The following ADAMTS13 variants were observed in gnomAD, a reference collection of about 807,000 sequenced individuals.
ADAMTS13 encodes ADAM metallopeptidase with thrombospondin type 1 motif 13, also known as A disintegrin and metalloproteinase with thrombospondin motifs 13.
ADAMTS13 carries 110 observed loss-of-function variants against 155.1 expected under a neutral mutation model. That is an observed-to-expected ratio of 0.71 (90% CI 0.61 to 0.83). The LOEUF (loss-of-function observed/expected upper bound fraction) is 0.83, where lower values mean the gene tolerates loss of function less well. ADAMTS13 is among the 40% of genes least tolerant of loss of function. The pLI is 0.00. For synonymous variants in ADAMTS13, 758 were observed against 756.4 expected, an observed-to-expected ratio of 1.00 and a Z score of -0.03; for missense variants, 1,707 against 1,891.7, an observed-to-expected ratio of 0.90 and a Z score of 1.81.
chr9:133,422,480 C>T lies in ADAMTS13; in HGVS notation c.37C>T (p.Leu13Phe). 6.2e-7 allele frequency: 1 copy of T among 1,614,132 alleles called. No individual in the cohort carries two copies. Among genetic ancestry groups the T allele is most frequent in the Non-Finnish European group, 8.5e-7 (1 of 1,180,034 alleles). Residue 13 changes from leucine to phenylalanine, a missense_variant, in exon 1 of 29, where the codon CTC becomes TTC. Physicochemically the swap from Leu to Phe is conservative, Grantham distance 22. Around this residue, in one of 3 missense-constraint regions of ADAMTS13, gnomAD observed 733 missense variants for 749.6 expected, o/e 0.98. Transcript: ENST00000355699. ...QRHPRARCPP[L>F]CVAGILACGF... ...TCACCCCCGGGCAAGATGCCCTCCC[C>T]TCTGTGTGGCCGGAATCCTTGCCTG...
chr9:133,439,187 G>A (rs1284298404), intron 14 of ADAMTS13, among the ~76,000 whole-genome samples, 179 bp from the exon 15 acceptor site: 1 of 152,220 alleles, frequency 6.6e-6, no homozygotes, highest in African/African-American at 2.4e-5. Context: ...CCAGGGCAGA[G>A]CCTTGGCAGG....
At chr9:133,455,135 C>T in intron 24 of ADAMTS13, 150 bp from the exon 25 acceptor site, 3 of 885,112 alleles carry the variant, frequency 3.4e-6, no homozygotes, top group Non-Finnish European at 5.4e-6. Context: ...CCTCTCTGAG[C>T]CTCAGTTTTC....
chr9:133,422,348 T>C (rs1840006837), upstream of ADAMTS13: 1 of 1,186,760 alleles, frequency 8.4e-7, no homozygotes, highest in African/African-American at 1.5e-5. Context: ...TCCCGCCCAG[T>C]AGTGAGCAGG....
At position 133,425,453 on chromosome 9, in the gene ADAMTS13, C is replaced by A; in HGVS notation, c.331-76C>A. On this transcript the variant is annotated intron_variant, in intron 3 of 28. Transcript: ENST00000355699. This position sits in a 1 kb window ranked among gnomAD's most constrained non-coding sequence, Gnocchi z 4.6. ...TCTCCAGCTCTTCACACTCCGGGGG[C>A]CCCTGGGAGTCAGCAGCTGCCTGGG... 1.5e-6 allele frequency: 2 copies of A among 1,375,732 alleles called. No homozygotes were observed. The highest frequency in any genetic ancestry group is 2.0e-6 in the Non-Finnish European group (2 of 990,180). 85.2% of individuals were successfully genotyped at this position (1,375,732 alleles called of 1,614,324 possible).
chr9:133,414,544 C>A (rs1554781040), exon 1 of ADAMTS13: 1 of 887,950 alleles, frequency 1.1e-6, no homozygotes, highest in Admixed American at 1.8e-5. Context: ...AACAAAGGAA[C>A]AGACGACATC....
Position 133,442,386 on chromosome 9 carries a change from T to C in ADAMTS13, c.1969-13T>C. 6.2e-7 allele frequency: 1 copy of C among 1,613,892 alleles called. No homozygotes were observed. Among genetic ancestry groups the C allele is most frequent in the South Asian group, 1.1e-5 (1 of 91,088 alleles). On this transcript the variant is annotated splice_polypyrimidine_tract_variant and intron_variant, in intron 16 of 28. Coordinates refer to ENST00000355699, the MANE Select transcript of ADAMTS13 (RefSeq NM_139027.6). ...GAACCCACTGGACAAGGCCTGAAGC[T>C]CTTTGTCTGCAGGTTTACAGGCGGT... is the stretch of plus-strand genomic sequence containing the variant.
chr9:133,443,443 C>T lies in ADAMTS13; in HGVS notation c.2302C>T (p.Arg768Cys), dbSNP rs782206311. 1.9e-5 allele frequency: 30 copies of T among 1,594,058 alleles called. No homozygotes were observed. Among genetic ancestry groups the T allele is most frequent in the African/African-American group, 4.0e-5 (3 of 74,846 alleles). Residue 768 changes from arginine to cysteine, a missense_variant, in exon 19 of 29, where the codon CGC becomes TGC. Around this residue, in one of 3 missense-constraint regions of ADAMTS13, gnomAD observed 961 missense variants for 1,107.9 expected, o/e 0.87. Coordinates refer to ENST00000355699, the MANE Select transcript of ADAMTS13 (RefSeq NM_139027.6). ...GGGTGGCCTGCGGGAGCGGCCAGTGCGCTGCGTGGAGGCCCAGGGCAGCCT... is the reference window on the plus strand; with the variant it reads ...GGGTGGCCTGCGGGAGCGGCCAGTGTGCTGCGTGGAGGCCCAGGGCAGCCT... Reference protein sequence around the residue: ...CGGGLRERPVRCVEAQGSLLK... With the variant: ...CGGGLRERPVCCVEAQGSLLK...
chr9:133,438,436 T>G, intron 14 of ADAMTS13, 70 bp downstream of exon 14: 1 of 1,599,552 alleles, frequency 6.3e-7, no homozygotes, highest in Non-Finnish European at 8.5e-7. Context: ...CCCAGAGCGT[T>G]GGTGCAGGGG....
At position 133,444,985 on chromosome 9, in the gene ADAMTS13, C is replaced by T. The variant is rs1199166665; in HGVS notation, c.2543C>T (p.Ser848Phe). ...LEAPVTEGPG[S>F]VDEKLPAPEP... is the part of the protein sequence containing the mutation. ...GCTCCAGTGACTGAGGGGCCTGGCT[C>T]CGTAGATGAGAAGCTGCCTGCCCCT... is the stretch of plus-strand genomic sequence containing the variant. Residue 848 changes from serine (S) to phenylalanine (F), a missense_variant, in exon 20 of 29, where the codon TCC (serine) becomes TTC (phenylalanine). By Grantham distance (155) the Ser-to-Phe change is radical. Transcript: ENST00000355699. 3 of 1,613,458 alleles carry T rather than the reference C, an allele frequency of 1.9e-6. No individual in the cohort carries two copies. The highest frequency in any genetic ancestry group is 1.3e-5 in the African/African-American group (1 of 75,034).
chr9:133,432,929 G>T (rs1408052019), intron 9 of ADAMTS13, among the ~76,000 whole-genome samples: 1 of 151,936 alleles, frequency 6.6e-6, no homozygotes, highest in African/African-American at 2.4e-5. Context: ...TGGGTGTGGG[G>T]TTCCTTTGGG....
chr9:133,446,478 C>T (rs1842073456), intron 21 of ADAMTS13, among the ~76,000 whole-genome samples: 1 of 152,252 alleles, frequency 6.6e-6, no homozygotes. Context: ...GATGTCCTCA[C>T]AGTTCATCCA....
At position 133,440,413 on chromosome 9, in the gene ADAMTS13, C is replaced by T. The variant is rs781947512; in HGVS notation, c.1856C>T (p.Ser619Phe). 6.2e-7 allele frequency: 1 copy of T among 1,613,942 alleles called. No individual in the cohort carries two copies. The highest frequency in any genetic ancestry group is 8.5e-7 in the Non-Finnish European group (1 of 1,180,012). ...ATCTCCCCTAACACCACCTACCCCT[C>T]CCTCCTGGAGGATGGTCGTGTCGAG... ...MSISPNTTYP[S>F]LLEDGRVEYR... The change falls in exon 16 of 29, where the codon TCC (serine) becomes TTC (phenylalanine). Residue 619 changes from serine (S) to phenylalanine (F), a missense_variant. Physicochemically the swap from Ser to Phe is radical, Grantham distance 155. Transcript: ENST00000355699. The surrounding 1 kb of genome is among the most constrained non-coding windows in gnomAD (Gnocchi z 4.3).
At chr9:133,455,669 C>T (rs1842698436) in intron 25 of ADAMTS13, 7 of 1,565,482 alleles carry the variant, frequency 4.5e-6, no homozygotes, top group Non-Finnish European at 6.1e-6. Flanking sequence ...GCATCTTCCT[C>T]TGGGAAGGAC....
chr9:133,444,583 G>A (rs182081652), intron 19 of ADAMTS13, among the ~76,000 whole-genome samples: 6 of 152,324 alleles, frequency 3.9e-5, no homozygotes, highest in African/African-American at 1.2e-4. Flanking sequence ...CTGAGCTACC[G>A]TGCCTGGCCA....
rs1554784982 is a variant in ADAMTS13 at position 133,425,550 on chromosome 9, C to G, written c.352C>G (p.Pro118Ala). 1 of 1,613,560 alleles carries G rather than the reference C, an allele frequency of 6.2e-7. No individual in the cohort carries two copies. The highest frequency in any genetic ancestry group is 8.5e-7 in the Non-Finnish European group (1 of 1,179,972). ...LNIGAELLRD[P>A]SLGAQFRVHL... ...ACAGGGGGCAGAACTGCTTCGGGAC[C>G]CGTCCCTGGGGGCTCAGTTTCGGGT... Residue 118 changes from proline to alanine, a missense_variant, in exon 4 of 29, where the codon CCG (proline) becomes GCG (alanine). By Grantham distance (27) the Pro-to-Ala change is conservative. This residue lies in a region of ADAMTS13 where 733 missense variants were observed against 749.6 expected (regional missense o/e 0.98). Transcript: ENST00000355699. This position sits in a 1 kb window ranked among gnomAD's most constrained non-coding sequence, Gnocchi z 4.6.
At position 133,456,483 on chromosome 9, in the gene ADAMTS13, C is replaced by G; in HGVS notation, c.3548-60C>G. 1 of 1,588,378 alleles carries G rather than the reference C, an allele frequency of 6.3e-7. No individual in the cohort carries two copies. Among genetic ancestry groups the G allele is most frequent in the Non-Finnish European group, 8.6e-7 (1 of 1,165,966 alleles). ...GAACTCGGCTCAGTCTACCCTGGAG[C>G]CACTCCTCTGCTGACCAGGCGTGGG... On this transcript the variant is annotated intron_variant, in intron 26 of 28. Transcript: ENST00000355699. This position sits in a 1 kb window ranked among gnomAD's most constrained non-coding sequence, Gnocchi z 4.4.
At chr9:133,417,626 C>T (rs1839738832), upstream of ADAMTS13, 2 of 1,613,590 alleles carry the variant, frequency 1.2e-6, no homozygotes, top group Non-Finnish European at 1.7e-6. Context: ...TCACCTCTTG[C>T]AGCGCCTTCC....
chr9:133,447,210 T>C (rs1842125517), intron 21 of ADAMTS13, among the ~76,000 whole-genome samples: 1 of 152,196 alleles, frequency 6.6e-6, no homozygotes, highest in South Asian at 2.1e-4. Flanking sequence ...AGACACACCA[T>C]GTTCTTAAAC....
chr9:133,437,065 G>A (rs1841294425), intron 12 of ADAMTS13, 110 bp downstream of exon 12: 2 of 1,407,078 alleles, frequency 1.4e-6, no homozygotes, highest in Non-Finnish European at 1.9e-6. Flanking sequence ...TGGGCAAAGT[G>A]GTTCAGGCTC....
Sources: gnomAD v4.1 joint callset for allele counts (sites outside exome capture counted in the v4.1 genomes callset) on GRCh38, gnomAD v4.1.1 for gene constraint, gnomAD v4.1.1 regional missense constraint, Gnocchi (gnomAD v3.1) non-coding constraint, MANE v1.5 for transcripts, NCBI Gene and HGNC (gene_info 2026-07-23, HGNC 2026-07-21) for gene names.